Variants in KLHL6 observed in about 807,000 individuals in gnomAD.
KLHL6 encodes kelch like family member 6.
A neutral mutation model predicts 58.6 loss-of-function variants in KLHL6; 41 were observed. The ratio of observed to expected loss-of-function variants is 0.70; its 90% CI spans 0.55 to 0.91. KLHL6 has a LOEUF of 0.91. Ranked by LOEUF, KLHL6 falls within the 40% of genes least tolerant of loss-of-function variation. The pLI, the probability that KLHL6 is intolerant of heterozygous loss-of-function variation, is 0.00. For missense variants in KLHL6, 714 were observed against 805.6 expected (o/e 0.89, Z 1.38); for synonymous variants, 338 against 322.7 (o/e 1.05, Z -0.51).
At chr3:183,541,982 T>C in intron 1 of KLHL6, among the ~76,000 whole-genome samples, 1 of 152,040 alleles carries the variant, frequency 6.6e-6, no homozygotes, top group East Asian at 1.9e-4. Flanking sequence ...TGCTTTGTGT[T>C]CCAGCCCTCC....
chr3:183,531,441 G>GTATTTTTTTT lies in KLHL6; in HGVS notation c.294-3432_294-3431insAAAAAAAATA, dbSNP rs1367673441. The stretch of plus-strand genomic sequence containing the variant: ...CCTTCTTTCTGTTCTTTTTTTGTCT[G>GTATTTTTTTT]TGTTTTTTTTTTTTTTTTTTTTTTT... On this transcript the variant is annotated intron_variant, in intron 1 of 6. Coordinates refer to ENST00000341319, the MANE Select transcript of KLHL6 (RefSeq NM_130446.4). Among the ~76,000 whole-genome samples the GTATTTTTTTT allele has an allele frequency of 6.9e-5, 7 of 102,098 alleles. 1 individual carries two copies. Among genetic ancestry groups the GTATTTTTTTT allele is most frequent in the Admixed American group, 9.5e-5 (1 of 10,568 alleles). 67.0% of individuals were successfully genotyped at this position (102,098 alleles called of 152,430 possible).
chr3:183,525,269 A>ACACACAC (rs1553811031), intron 2 of KLHL6, among the ~76,000 whole-genome samples: 4 of 133,792 alleles, frequency 3.0e-5, no homozygotes, highest in African/African-American at 8.3e-5. Context: ...CTAAAAAAAA[A>ACACACAC]ACACACACAC....
At chr3:183,536,579 A>C (rs1222378018) in intron 1 of KLHL6, among the ~76,000 whole-genome samples, 1 of 152,214 alleles carries the variant, frequency 6.6e-6, no homozygotes, top group Admixed American at 6.5e-5. Flanking sequence ...CAGCTTCCTC[A>C]TCTGTAAAAT....
intron 2 of KLHL6, chr3:183,522,160 T>C (rs7614944): frequency 0.5 from 75,919 of 150,690 alleles, 19,788 homozygotes; most frequent in Non-Finnish European, 0.58. Context: ...ACCCCGTCTC[T>C]AATAAAAATG....
At chr3:183,531,339 G>T (rs1412411613) in intron 1 of KLHL6, among the ~76,000 whole-genome samples, 2 of 151,612 alleles carry the variant, frequency 1.3e-5, no homozygotes, top group Non-Finnish European at 2.9e-5. Context: ...AAACCAAAAA[G>T]GATTATTCTG....
intron 3 of KLHL6, among the ~76,000 whole-genome samples, chr3:183,502,855 G>A (rs557961646): frequency 1.3e-5 from 2 of 152,260 alleles, no homozygotes; most frequent in East Asian, 3.9e-4. Flanking sequence ...TTTCAGTTTG[G>A]GGGTAATTTG....
At chr3:183,502,352 G>A (rs1387406732) in intron 3 of KLHL6, among the ~76,000 whole-genome samples, 1 of 151,828 alleles carries the variant, frequency 6.6e-6, no homozygotes, top group African/African-American at 2.4e-5. Flanking sequence ...GGGCAAGCTA[G>A]GTAACTCAGT....
At chr3:183,549,068 T>C (rs1253180216) in intron 1 of KLHL6, 1 of 151,674 alleles carries the variant, frequency 6.6e-6, no homozygotes, top group Non-Finnish European at 1.5e-5. Context: ...ACCTAGATGA[T>C]GGGTTGATAG....
intron 2 of KLHL6, among the ~76,000 whole-genome samples, chr3:183,526,804 G>A (rs188653210): frequency 6.6e-6 from 1 of 152,024 alleles, no homozygotes; most frequent in Non-Finnish European, 1.5e-5. Flanking sequence ...GTGATTCTAA[G>A]TATATTAAAG....
At position 183,527,899 on chromosome 3, in the gene KLHL6, C is replaced by T. The variant is rs141903870; in HGVS notation, c.405G>A (p.Ala135=). Residue 135 remains alanine, a synonymous_variant, in exon 2 of 7, where the codon GCG becomes GCA. Coordinates refer to ENST00000341319, the MANE Select transcript of KLHL6 (RefSeq NM_130446.4). ...GCTGGACATTCTGCTTGGTGATCAG[C>T]GCCTTGCTGGTGTACGTGTAGTCCA... The part of the protein sequence containing the change: ...TLLDYTYTSK[A]LITKQNVQRV... The T allele has an allele frequency of 1.6e-4, 252 of 1,613,960 alleles. No homozygotes were observed. The highest frequency in any genetic ancestry group is 2.8e-4 in the Admixed American group (17 of 59,998).
rs1022586788 is a variant in KLHL6, at chr3:183,497,352, C to T, written c.1147+2238G>A. ...GCTTGAACCTGGGAGGCAGAGGTTG[C>T]AGTGAGCCGAGATCTCGCCATTGTA... On this transcript the variant is annotated intron_variant, in intron 4 of 6. Transcript: ENST00000341319. 5.9e-5 allele frequency among the ~76,000 whole-genome samples: 9 copies of T among 152,278 alleles called. No individual in the cohort carries two copies. The East Asian group carries it at 1.7e-3, about 29-fold the overall frequency.
At chr3:183,534,286 G>T (rs1172881140) in intron 1 of KLHL6, among the ~76,000 whole-genome samples, 1 of 151,676 alleles carries the variant, frequency 6.6e-6, no homozygotes, top group Non-Finnish European at 1.5e-5. Context: ...CCCTGGAGGA[G>T]TTGGAAGATC....
At chr3:183,516,281 T>A (rs1711554602) in intron 2 of KLHL6, among the ~76,000 whole-genome samples, 1 of 152,180 alleles carries the variant, frequency 6.6e-6, no homozygotes, top group Admixed American at 6.5e-5. Context: ...CGCAGGGCAA[T>A]CATGGGAACC....
At chr3:183,533,444 T>TA (rs932108451) in intron 1 of KLHL6, among the ~76,000 whole-genome samples, 3 of 151,528 alleles carry the variant, frequency 2.0e-5, no homozygotes, top group African/African-American at 7.3e-5. Context: ...TTTTTTTTTT[T>TA]AATTTTTGTA....
intron 1 of KLHL6, among the ~76,000 whole-genome samples, chr3:183,541,492 C>T (rs1355394663): frequency 1.3e-5 from 2 of 152,134 alleles, no homozygotes; most frequent in Admixed American, 6.5e-5. Flanking sequence ...TGGATTGCAA[C>T]CCCCAGAAAG....
chr3:183,502,556 C>T (rs769412831), intron 3 of KLHL6, among the ~76,000 whole-genome samples: 2 of 152,196 alleles, frequency 1.3e-5, no homozygotes, highest in Non-Finnish European at 2.9e-5. Flanking sequence ...TGATTGCTCT[C>T]TCAGTCTTTC....
Position 183,499,093 on chromosome 3 carries a change from G to A in KLHL6, c.1147+497C>T, listed in dbSNP as rs1230627821. Among the ~76,000 whole-genome samples the A allele has an allele frequency of 6.6e-6, 1 of 152,214 alleles. No individual in the cohort carries two copies. The highest frequency in any genetic ancestry group is 1.5e-5 in the Non-Finnish European group (1 of 68,042). ...GAGGTGGCTCACGCCTGTAATCCCA[G>A]CACTTTGGGAGGCCGAAGCTGGTGC... On this transcript the variant is annotated intron_variant, in intron 4 of 6. Transcript: ENST00000341319. The surrounding 1 kb of genome is among the most constrained non-coding windows in gnomAD (Gnocchi z 4.6).
intron 4 of KLHL6, among the ~76,000 whole-genome samples, chr3:183,497,648 C>A (rs755623056): frequency 6.6e-6 from 1 of 152,086 alleles, no homozygotes; most frequent in Non-Finnish European, 1.5e-5. Context: ...GACTTCTCAA[C>A]TCCCTTAGCT....
intron 2 of KLHL6, among the ~76,000 whole-genome samples, chr3:183,510,399 G>A (rs1045218525): frequency 5.9e-5 from 9 of 152,006 alleles, no homozygotes; most frequent in Admixed American, 1.3e-4. Context: ...TGTGGGGAGT[G>A]GGGCTATCGA....
Sources: gnomAD v4.1 joint callset for allele counts (sites outside exome capture counted in the v4.1 genomes callset) on GRCh38, gnomAD v4.1.1 for gene constraint, Gnocchi (gnomAD v3.1) non-coding constraint, MANE v1.5 for transcripts, NCBI Gene and HGNC (gene_info 2026-07-23, HGNC 2026-07-21) for gene names.